NUDT3: variants seen among roughly 807,000 people sequenced by gnomAD.
NUDT3 encodes the protein nudix hydrolase 3, also known as diphosphoinositol polyphosphate phosphohydrolase 1.
NUDT3 carries 9 observed loss-of-function variants against 23.6 expected under a neutral mutation model. The ratio of observed to expected loss-of-function variants is 0.38; its 90% CI spans 0.23 to 0.66. The LOEUF is 0.66. NUDT3 is among the 30% of genes least tolerant of loss of function. NUDT3 has a pLI of 0.52. For missense variants in NUDT3, 172 were observed against 218.5 expected, an observed-to-expected ratio of 0.79 and a Z score of 1.34; for synonymous variants, 86 against 82.6, an observed-to-expected ratio of 1.04 and a Z score of -0.22.
At chr6:34,370,279 T>C (rs1336549009) in intron 1 of NUDT3, among the ~76,000 whole-genome samples, 1 of 152,168 alleles carries the variant, frequency 6.6e-6, no homozygotes, top group East Asian at 1.9e-4. Flanking sequence ...CTAACAGAAA[T>C]CTGAGGAAGA....
chr6:34,357,280 A>G (rs1764577217), intron 1 of NUDT3, among the ~76,000 whole-genome samples: 1 of 152,008 alleles, frequency 6.6e-6, no homozygotes, highest in Admixed American at 6.6e-5. Flanking sequence ...TCACTATACT[A>G]TTCAGTCCAC....
chr6:34,313,017 A>C (rs1763798629), intron 2 of NUDT3, among the ~76,000 whole-genome samples: 1 of 151,960 alleles, frequency 6.6e-6, no homozygotes, highest in Non-Finnish European at 1.5e-5. Context: ...AACTACAAAA[A>C]TTAGCTGGGC....
At chr6:34,316,994 G>C (rs1161756901) in intron 2 of NUDT3, among the ~76,000 whole-genome samples, 1 of 152,186 alleles carries the variant, frequency 6.6e-6, no homozygotes, top group Non-Finnish European at 1.5e-5. Context: ...GCTTGGACCA[G>C]GGGGATAGTG....
rs577051661 is a variant in NUDT3 at position 34,381,977 on chromosome 6, A to C, written c.99+10287T>G. On this transcript the variant is annotated intron_variant, in intron 1 of 4. Coordinates refer to ENST00000607016, the MANE Select transcript of NUDT3 (RefSeq NM_006703.4). ...AACCCCAGCTACTCGGGAGGCTGAC[A>C]CAGGAAAATCACCTGAACCCGGGAG... 3.0e-4 allele frequency among the ~76,000 whole-genome samples: 45 copies of C among 150,262 alleles called. No individual in the cohort carries two copies. In the East Asian group the frequency reaches 7.6e-3, roughly 26 times the overall value.
At chr6:34,342,587 T>A (rs80228907) in intron 1 of NUDT3, among the ~76,000 whole-genome samples, 4 of 152,364 alleles carry the variant, frequency 2.6e-5, no homozygotes, top group Admixed American at 6.5e-5. Flanking sequence ...TGGACTTTTT[T>A]AAAAGACTTA....
intron 1 of NUDT3, among the ~76,000 whole-genome samples, chr6:34,381,550 A>G (rs1036479670): frequency 6.6e-6 from 1 of 152,150 alleles, no homozygotes; most frequent in African/African-American, 2.4e-5. Context: ...ATTATTATAT[A>G]CAGAAATTCT....
intron 1 of NUDT3, 146 bp from the exon 2 acceptor site, chr6:34,342,118 T>C: frequency 1.4e-6 from 1 of 706,230 alleles, no homozygotes; most frequent in South Asian, 1.9e-5. Flanking sequence ...CAAAGTAGCT[T>C]TCGTTTCTAT....
intron 2 of NUDT3, among the ~76,000 whole-genome samples, chr6:34,298,082 C>T (rs923100846): frequency 1.3e-5 from 2 of 151,784 alleles, no homozygotes; most frequent in Admixed American, 6.6e-5. Flanking sequence ...ACTTGTTTGG[C>T]TGGGCACGGT....
intron 2 of NUDT3, among the ~76,000 whole-genome samples, chr6:34,319,329 C>T (rs1286681244): frequency 6.6e-6 from 1 of 152,192 alleles, no homozygotes; most frequent in African/African-American, 2.4e-5. Flanking sequence ...CAAGTCCAGG[C>T]CTCTAGAACT....
intron 2 of NUDT3, 141 bp from the exon 3 acceptor site, chr6:34,295,826 AC>A: frequency 1.1e-6 from 1 of 947,670 alleles, no homozygotes; most frequent in Non-Finnish European, 1.6e-6. Context: ...GTGAAGTGAT[AC>A]CAGTGTTTCC....
At chr6:34,353,768 C>T (rs544517983) in intron 1 of NUDT3, among the ~76,000 whole-genome samples, 2 of 152,048 alleles carry the variant, frequency 1.3e-5, no homozygotes, top group Non-Finnish European at 2.9e-5. Context: ...AGTGGTGCAT[C>T]ATAGCTCACT....
chr6:34,288,540 A>T lies in NUDT3; in HGVS notation c.*213T>A. 1 of 601,468 alleles carries T rather than the reference A, an allele frequency of 1.7e-6. No individual in the cohort carries two copies. Among genetic ancestry groups the T allele is most frequent in the Middle Eastern group, 4.6e-4 (1 of 2,172 alleles). The allele number at this position is 601,468 out of a possible 1,614,324, so 37.3% of individuals were successfully genotyped here. On this transcript the variant is annotated 3_prime_UTR_variant, in exon 5 of 5. Transcript: ENST00000607016. ...TCATGCACAAAAGTACTTACAAATT[A>T]CACACCCAACCCCCACCCTCAATAA...
At position 34,392,559 on chromosome 6, in the gene NUDT3, G is replaced by A. The variant is rs1197815433; in HGVS notation, c.-197C>T. ...CAGGCCCAGGTCCCGCGCCGCCGCT[G>A]CCACCGTCACGGCTGCCGTCTCCGC... On this transcript the variant is annotated 5_prime_UTR_variant, in exon 1 of 5. Transcript: ENST00000607016. 5 of 375,012 alleles carry A rather than the reference G, an allele frequency of 1.3e-5. No individual in the cohort carries two copies. Among genetic ancestry groups the A allele is most frequent in the Non-Finnish European group, 1.9e-5 (4 of 210,232 alleles). The allele number at this position is 375,012 out of a possible 1,614,324, so 23.2% of individuals were successfully genotyped here.
At chr6:34,326,339 C>T (rs975980204) in intron 2 of NUDT3, among the ~76,000 whole-genome samples, 36 of 152,158 alleles carry the variant, frequency 2.4e-4, no homozygotes, top group African/African-American at 7.7e-4. Flanking sequence ...TATTTGCTTT[C>T]GGAGACAAAA....
At chr6:34,321,753 A>G (rs1227815614) in intron 2 of NUDT3, among the ~76,000 whole-genome samples, 2 of 152,116 alleles carry the variant, frequency 1.3e-5, no homozygotes, top group Non-Finnish European at 2.9e-5. Flanking sequence ...AAGTGACATG[A>G]GCATCAGGAA....
Position 34,366,904 on chromosome 6 carries a change from A to T in NUDT3, c.100-24932T>A, listed in dbSNP as rs574586949. 6.7e-4 allele frequency among the ~76,000 whole-genome samples: 100 copies of T among 150,214 alleles called. 3 individuals carry two copies. In the South Asian group the frequency reaches 0.015, roughly 22 times the overall value. The stretch of plus-strand genomic sequence containing the variant: ...TATATTTTACCACAATTAAAAAAAA[A>T]TTTTTTTTGAGACAGTCTCACTCTG... On this transcript the variant is annotated intron_variant, in intron 1 of 4. Coordinates refer to ENST00000607016, the MANE Select transcript of NUDT3 (RefSeq NM_006703.4).
At chr6:34,338,161 A>T (rs977148686) in intron 2 of NUDT3, among the ~76,000 whole-genome samples, 1 of 152,236 alleles carries the variant, frequency 6.6e-6, no homozygotes, top group Non-Finnish European at 1.5e-5. Context: ...GTCTGACAGG[A>T]AAGTGGGAAA....
chr6:34,328,184 C>G (rs1183260909), intron 2 of NUDT3, among the ~76,000 whole-genome samples: 1 of 152,188 alleles, frequency 6.6e-6, no homozygotes, highest in Non-Finnish European at 1.5e-5. Context: ...AACCACCACG[C>G]CCGGCCAAGA....
rs139306311 is a variant in NUDT3, at chr6:34,297,730, A to AAT, written c.211-2047_211-2046dup. Among the ~76,000 whole-genome samples the AAT allele has an allele frequency of 8.7e-3, 626 of 71,956 alleles. 8 individuals are homozygous for AAT. The highest frequency in any genetic ancestry group is 0.031 in the East Asian group (72 of 2,324). 47.2% of individuals were successfully genotyped at this position (71,956 alleles called of 152,430 possible). On this transcript the variant is annotated intron_variant, in intron 2 of 4. Transcript: ENST00000607016. ...CACCCGGCTAATGTAAAAAAAAAAA[A>AAT]ATATATATATATATATATATATATA...
Sources: allele counts gnomAD v4.1 joint callset (sites outside exome capture counted in the v4.1 genomes callset), GRCh38; gene constraint gnomAD v4.1.1; transcripts MANE v1.5; gene names NCBI Gene and HGNC (gene_info 2026-07-23, HGNC 2026-07-21).